The following HIVEP1 variants were observed in gnomAD, a reference collection of about 807,000 sequenced individuals.
HIVEP1 encodes the protein zinc finger protein 40.
A neutral mutation model predicts 180.0 loss-of-function variants in HIVEP1; 36 were observed. The ratio of observed to expected loss-of-function variants is 0.20; its 90% confidence interval spans 0.15 to 0.26. The LOEUF is 0.26. HIVEP1 is among the 10% of genes least tolerant of loss of function. HIVEP1 has a pLI of 1.00. For synonymous variants in HIVEP1, 1,239 were observed against 1,239.0 expected (o/e 1.00, Z 0.00); for missense variants, 3,143 against 3,268.7 (o/e 0.96, Z 0.94).
chr6:12,167,656 T>TTATATTACATG (rs1760750943), downstream of HIVEP1, among the ~76,000 whole-genome samples: 1 of 109,026 alleles, frequency 9.2e-6, no homozygotes, highest in African/African-American at 3.3e-5. Flanking sequence ...CATATATATG[T>TTATATTACATG]TATATATACA....
the HIVEP1 span, among the ~76,000 whole-genome samples, chr6:12,186,230 G>A: frequency 1.3e-5 from 2 of 151,046 alleles, no homozygotes; most frequent in East Asian, 3.9e-4. Flanking sequence ...ATGATTACTG[G>A]CATATGTATT....
intron 8 of HIVEP1, among the ~76,000 whole-genome samples, chr6:12,162,382 C>T (rs934292817): frequency 1.3e-5 from 2 of 152,192 alleles, no homozygotes; most frequent in African/African-American, 2.4e-5. Flanking sequence ...AAGACAGCTA[C>T]CAGTTTCTAT....
the HIVEP1 span, among the ~76,000 whole-genome samples, chr6:12,184,022 T>TAGACAGAC: frequency 0.06 from 6,107 of 101,604 alleles, 202 homozygotes; most frequent in Admixed American, 0.087. Flanking sequence ...GATAGATAGA[T>TAGACAGAC]AGACAGACAG....
At chr6:12,047,948 G>A (rs947067668) in intron 2 of HIVEP1, among the ~76,000 whole-genome samples, 4 of 152,166 alleles carry the variant, frequency 2.6e-5, no homozygotes, top group Non-Finnish European at 4.4e-5. Context: ...TCACATCTGA[G>A]TACTGAGCAG....
intron 2 of HIVEP1, among the ~76,000 whole-genome samples, chr6:12,046,650 G>T (rs1312975318): frequency 6.6e-6 from 1 of 151,842 alleles, no homozygotes; most frequent in Non-Finnish European, 1.5e-5. Flanking sequence ...ATGGTGGCGC[G>T]TGCCTGTAGT....
the HIVEP1 span, among the ~76,000 whole-genome samples, chr6:12,197,055 G>C: frequency 6.6e-6 from 1 of 152,188 alleles, no homozygotes; most frequent in African/African-American, 2.4e-5. Context: ...TGCTAGTAGA[G>C]GCACCATGTG....
chr6:12,163,726 G>A lies in HIVEP1; in HGVS notation c.7422G>A (p.Val2474=). The A allele has an allele frequency of 6.2e-7, 1 of 1,614,084 alleles. No individual in the cohort carries two copies. Among genetic ancestry groups the A allele is most frequent in the African/African-American group, 1.3e-5 (1 of 75,000 alleles). ...GTATTCCTATCGGCCAAATCCGCGT[G>A]CCAGGCCTTCAGAACCTAAGTACCC... The part of the protein sequence containing the change: ...VPCIPIGQIR[V]PGLQNLSTPG... The change falls in exon 9 of 9, where the codon GTG becomes GTA. Residue 2474 remains valine (V), a synonymous_variant. Coordinates refer to ENST00000379388, the MANE Select transcript of HIVEP1 (RefSeq NM_002114.4).
chr6:12,152,548 T>G (rs1423485336), intron 7 of HIVEP1, among the ~76,000 whole-genome samples: 1 of 152,256 alleles, frequency 6.6e-6, no homozygotes, highest in East Asian at 1.9e-4. Flanking sequence ...TTCTGTTCAT[T>G]TAAGCTACCC....
the HIVEP1 span, among the ~76,000 whole-genome samples, chr6:12,194,860 T>G: frequency 1.3e-5 from 2 of 152,252 alleles, no homozygotes; most frequent in South Asian, 4.1e-4. Context: ...TACAACAGAA[T>G]GAGGTAGAGG....
intron 2 of HIVEP1, among the ~76,000 whole-genome samples, chr6:12,016,806 CCTCACTAGAATCTGAACTCCCTAGAGA>C (rs1051484479): frequency 6.6e-6 from 1 of 152,166 alleles, no homozygotes; most frequent in Non-Finnish European, 1.5e-5. Context: ...TGCCCGTCCC[CCTCACTAGAATCTGAACTCCCTAGAGA>C]CTCACTCTCA....
chr6:12,068,765 A>T (rs1771769960), intron 2 of HIVEP1, among the ~76,000 whole-genome samples: 1 of 152,226 alleles, frequency 6.6e-6, no homozygotes, highest in Non-Finnish European at 1.5e-5. Flanking sequence ...GTCCATATTT[A>T]CACATATGTT....
intron 3 of HIVEP1, among the ~76,000 whole-genome samples, chr6:12,107,281 C>T (rs983130529): frequency 5.9e-5 from 9 of 152,298 alleles, no homozygotes; most frequent in African/African-American, 1.7e-4. Context: ...TGAGCATTGG[C>T]TTTCATAGCA....
Position 12,125,793 on chromosome 6 carries a change from T to C in HIVEP1, c.5998T>C (p.Tyr2000His). Residue 2000 changes from tyrosine (Y) to histidine (H), a missense_variant, in exon 4 of 9, where the codon TAC becomes CAC. Physicochemically the swap from Tyr to His is moderately conservative, Grantham distance 83 (BLOSUM62 2). Coordinates refer to ENST00000379388, the MANE Select transcript of HIVEP1 (RefSeq NM_002114.4). ...AAAACAGAACACTGGAAAATCACTA[T>C]ACTGTCAAGCAATAACTACCCATTC... Reference protein sequence around the residue: ...NSKQNTGKSLYCQAITTHSKS... With the variant: ...NSKQNTGKSLHCQAITTHSKS... The C allele has an allele frequency of 6.2e-7, 1 of 1,613,920 alleles. No homozygotes were observed. Among genetic ancestry groups the C allele is most frequent in the Non-Finnish European group, 8.5e-7 (1 of 1,179,848 alleles).
At chr6:12,084,312 T>A (rs140949196) in intron 2 of HIVEP1, among the ~76,000 whole-genome samples, 4 of 152,280 alleles carry the variant, frequency 2.6e-5, no homozygotes, top group African/African-American at 7.2e-5. Flanking sequence ...TTTGAAATAT[T>A]GCTAGTCTAG....
At chr6:12,203,598 C>T in the HIVEP1 span, among the ~76,000 whole-genome samples, 1 of 152,120 alleles carries the variant, frequency 6.6e-6, no homozygotes, top group South Asian at 2.1e-4. Flanking sequence ...TTGCTAAGAA[C>T]AGCAGGAAGA....
chr6:12,076,698 G>A (rs1236619508), intron 2 of HIVEP1, among the ~76,000 whole-genome samples: 2 of 152,034 alleles, frequency 1.3e-5, no homozygotes, highest in African/African-American at 2.4e-5. Flanking sequence ...CCTAAACACC[G>A]CCCAGTAGAC....
chr6:12,176,872 T>C, the HIVEP1 span, among the ~76,000 whole-genome samples: 2 of 152,218 alleles, frequency 1.3e-5, no homozygotes, highest in East Asian at 3.8e-4. Context: ...TTGTCATTGC[T>C]TTTGGCTATT....
At chr6:12,188,173 G>C in the HIVEP1 span, among the ~76,000 whole-genome samples, 1 of 152,114 alleles carries the variant, frequency 6.6e-6, no homozygotes, top group Admixed American at 6.6e-5. Context: ...TCAAACCAAA[G>C]TGCATCTTTA....
chr6:12,051,001 C>CATACATATATATATATAT (rs1554135633), intron 2 of HIVEP1, among the ~76,000 whole-genome samples: 2 of 77,598 alleles, frequency 2.6e-5, no homozygotes, highest in African/African-American at 8.7e-5. Context: ...TACACAAGTG[C>CATACATATATATATATAT]ATATATATAT....
Sources: gnomAD v4.1 joint callset for allele counts (sites outside exome capture counted in the v4.1 genomes callset) on GRCh38, gnomAD v4.1.1 for gene constraint, MANE v1.5 for transcripts, NCBI Gene and HGNC (gene_info 2026-07-23, HGNC 2026-07-21) for gene names.